Variants in DLG1 observed in about 807,000 individuals in gnomAD.
DLG1 encodes the protein disks large homolog 1.
In DLG1, 42 loss-of-function variants were observed where a neutral mutation model predicts 123.4. That is an observed-to-expected ratio of 0.34 (90% confidence interval 0.27 to 0.44). The LOEUF (loss-of-function observed/expected upper bound fraction) is 0.44. Ranked by LOEUF, DLG1 falls within the 20% of genes least tolerant of loss-of-function variation. DLG1 has a pLI of 1.00. For missense variants in DLG1, 942 were observed against 1,082.6 expected (o/e 0.87, Z 1.82); for synonymous variants, 317 against 356.2 (o/e 0.89, Z 1.24).
chr3:197,139,427 G>GCAGCA (rs1786833824), intron 8 of DLG1, among the ~76,000 whole-genome samples: 1 of 152,000 alleles, frequency 6.6e-6, no homozygotes, highest in Non-Finnish European at 1.5e-5. Flanking sequence ...AGGCATCAAC[G>GCAGCA]TCCTTAAAAT....
At chr3:197,161,127 A>C (rs995627601) in intron 5 of DLG1, among the ~76,000 whole-genome samples, 1 of 152,244 alleles carries the variant, frequency 6.6e-6, no homozygotes, top group Non-Finnish European at 1.5e-5. Context: ...TTGTGAAGAT[A>C]GCACAGAGCA....
rs187567606 is a variant in DLG1, at chr3:197,275,757, G to A, written c.318+6922C>T. On this transcript the variant is annotated intron_variant, in intron 4 of 24. Coordinates refer to ENST00000667157, the MANE Select transcript of DLG1 (RefSeq NM_001366207.1). ...GGCTGAGAAGGGTACAGTGAAGGAG[G>A]GGAGGAAGACAAGTTGGTTAATGGG... Among the ~76,000 whole-genome samples, 256 of 152,288 alleles carry A rather than the reference G, an allele frequency of 1.7e-3. 1 individual carries two copies. Among genetic ancestry groups the A allele is most frequent in the Admixed American group, 2.5e-3 (38 of 15,296 alleles).
intron 13 of DLG1, among the ~76,000 whole-genome samples, chr3:197,105,823 C>T (rs180842710): frequency 6.6e-6 from 1 of 151,702 alleles, no homozygotes; most frequent in East Asian, 1.9e-4. Flanking sequence ...CTTTAAATAC[C>T]GAATTAAAAA....
At chr3:197,182,523 A>C (rs1177164254) in intron 5 of DLG1, among the ~76,000 whole-genome samples, 1 of 152,198 alleles carries the variant, frequency 6.6e-6, no homozygotes, top group Non-Finnish European at 1.5e-5. Flanking sequence ...TATAAAAAAC[A>C]TATAAAGAAA....
intron 17 of DLG1, among the ~76,000 whole-genome samples, chr3:197,077,686 A>G (rs911408362): frequency 6.6e-6 from 1 of 152,218 alleles, no homozygotes; most frequent in Admixed American, 6.5e-5. Context: ...GTTGGAAACA[A>G]GTTTTTCCTT....
At chr3:197,069,465 T>G (rs1353778751) in intron 18 of DLG1, 4 of 391,082 alleles carry the variant, frequency 1.0e-5, no homozygotes, top group Non-Finnish European at 1.8e-5. Flanking sequence ...CAATGCCTTA[T>G]TTTTGTACAA....
intron 3 of DLG1, among the ~76,000 whole-genome samples, chr3:197,288,857 T>A (rs939961227): frequency 4.0e-5 from 6 of 151,088 alleles, no homozygotes; most frequent in African/African-American, 1.5e-4. Context: ...TACAGAGAAA[T>A]CATACTATTC....
chr3:197,047,220 C>T (rs1723926217), intron 24 of DLG1, among the ~76,000 whole-genome samples: 1 of 151,862 alleles, frequency 6.6e-6, no homozygotes, highest in Admixed American at 6.6e-5. Context: ...AGGGAATATC[C>T]CTGTTTTTTA....
intron 5 of DLG1, among the ~76,000 whole-genome samples, chr3:197,187,031 G>A (rs1343334850): frequency 6.6e-6 from 1 of 152,204 alleles, no homozygotes; most frequent in East Asian, 1.9e-4. Flanking sequence ...CTTTTCTAAT[G>A]TGGGCTATTA....
Position 197,042,803 on chromosome 3 carries a change from A to G in DLG1, c.*1820T>C, listed in dbSNP as rs1206706523. 2.6e-5 allele frequency: 4 copies of G among 152,248 alleles called. No individual in the cohort carries two copies. The highest frequency in any genetic ancestry group is 5.9e-5 in the Non-Finnish European group (4 of 68,040). 9.4% of individuals were successfully genotyped at this position (152,248 alleles called of 1,614,324 possible). A position where few individuals can be genotyped will look rare whatever the true frequency, so the allele number is the denominator to read the frequency against. On this transcript the variant is annotated 3_prime_UTR_variant, in exon 25 of 25. Coordinates refer to ENST00000667157, the MANE Select transcript of DLG1 (RefSeq NM_001366207.1). ...GCACTGTGTATTTCAATGTGGTAACACACTCTGCTGCCTAACGGCTCTTGG... is the reference window on the plus strand; with the variant it reads ...GCACTGTGTATTTCAATGTGGTAACGCACTCTGCTGCCTAACGGCTCTTGG...
At chr3:197,195,151 T>C (rs1219674734) in intron 4 of DLG1, among the ~76,000 whole-genome samples, 1 of 151,762 alleles carries the variant, frequency 6.6e-6, no homozygotes, top group Non-Finnish European at 1.5e-5. Flanking sequence ...ATGGCATAAA[T>C]AAAGACACAC....
At chr3:197,072,711 A>T (rs1351052062) in intron 18 of DLG1, among the ~76,000 whole-genome samples, 2 of 151,768 alleles carry the variant, frequency 1.3e-5, no homozygotes, top group Non-Finnish European at 2.9e-5. Flanking sequence ...AACAAAAAAA[A>T]AACCTGAGTC....
At chr3:197,167,914 TG>T (rs1802218177) in intron 5 of DLG1, among the ~76,000 whole-genome samples, 1 of 152,214 alleles carries the variant, frequency 6.6e-6, no homozygotes, top group African/African-American at 2.4e-5. Context: ...ATGTCACAAA[TG>T]TAATATGTTT....
chr3:197,170,432 T>A (rs900045696), intron 5 of DLG1, among the ~76,000 whole-genome samples: 1 of 152,256 alleles, frequency 6.6e-6, no homozygotes, highest in South Asian at 2.1e-4. Flanking sequence ...TTGTTTTGAT[T>A]TTTTTTAAAG....
chr3:197,084,436 C>A (rs1424965177), intron 16 of DLG1, among the ~76,000 whole-genome samples: 2 of 151,752 alleles, frequency 1.3e-5, no homozygotes, highest in African/African-American at 2.4e-5. Context: ...CTCAGCCTCC[C>A]AAGTAGCTGC....
chr3:197,073,730 TTC>T (rs1406722629), intron 18 of DLG1, among the ~76,000 whole-genome samples: 4 of 152,204 alleles, frequency 2.6e-5, no homozygotes, highest in African/African-American at 9.6e-5. Flanking sequence ...ATGGTATCAC[TTC>T]TGTTTCTCTG....
At chr3:197,061,311 AC>A (rs1451123868) in intron 22 of DLG1, among the ~76,000 whole-genome samples, 2 of 152,238 alleles carry the variant, frequency 1.3e-5, no homozygotes, top group African/African-American at 4.8e-5. Flanking sequence ...ATAACTTGAT[AC>A]TGAAATATTA....
chr3:197,190,959 G>A lies in DLG1; in HGVS notation c.483+3466C>T, dbSNP rs1464109954. On this transcript the variant is annotated intron_variant, in intron 5 of 24. Transcript: ENST00000667157. The stretch of plus-strand genomic sequence containing the variant: ...CGGGAGGCGGAGCTTGCAGTGAGCC[G>A]AGATCGCGCCACTGCACTCCAGCCT... Among the ~76,000 whole-genome samples, 5 of 152,122 alleles carry A rather than the reference G, an allele frequency of 3.3e-5. No individual in the cohort carries two copies. The South Asian group carries it at 8.3e-4, about 25-fold the overall frequency.
intron 10 of DLG1, among the ~76,000 whole-genome samples, chr3:197,131,390 A>G (rs559177492): frequency 2.2e-4 from 34 of 152,198 alleles, no homozygotes; most frequent in African/African-American, 7.9e-4. Flanking sequence ...TACTTTCGTA[A>G]TACTCAAGTT....
Sources: gnomAD v4.1 joint callset for allele counts (sites outside exome capture counted in the v4.1 genomes callset) on GRCh38, gnomAD v4.1.1 for gene constraint, MANE v1.5 for transcripts, NCBI Gene and HGNC (gene_info 2026-07-23, HGNC 2026-07-21) for gene names.